Variants in SLC37A3 observed in about 807,000 individuals in gnomAD.
The protein encoded by SLC37A3 is sugar phosphate exchanger 3.
A neutral mutation model predicts 67.1 loss-of-function variants in SLC37A3; 51 were observed. That is an observed-to-expected ratio of 0.76 (90% CI 0.61 to 0.96). The LOEUF is 0.96. SLC37A3 is among the 40% of genes least tolerant of loss of function. SLC37A3 has a pLI of 0.00. For missense variants in SLC37A3, 508 were observed against 603.0 expected (o/e 0.84, Z 1.65); for synonymous variants, 214 against 231.4 (o/e 0.92, Z 0.68).
chr7:140,336,078 A>G (rs571997305), intron 14 of SLC37A3, among the ~76,000 whole-genome samples: 1 of 152,334 alleles, frequency 6.6e-6, no homozygotes, highest in South Asian at 2.1e-4. Context: ...CAGGATACTG[A>G]ATGCGTCCCT....
intron 3 of SLC37A3, 61 bp from the exon 4 acceptor site, chr7:140,369,743 C>T: frequency 2.2e-6 from 3 of 1,370,844 alleles, no homozygotes; most frequent in Non-Finnish European, 3.1e-6. Context: ...TTTCTGTTTC[C>T]CAAAGCCCCT....
intron 9 of SLC37A3, among the ~76,000 whole-genome samples, chr7:140,349,138 G>A (rs1228737669): frequency 6.6e-6 from 1 of 152,336 alleles, no homozygotes; most frequent in East Asian, 1.9e-4. Context: ...TGGTATTCAT[G>A]CCACTAACCA....
chr7:140,337,225 G>A (rs1040036709), intron 14 of SLC37A3, 59 bp downstream of exon 14: 4 of 1,382,548 alleles, frequency 2.9e-6, no homozygotes, highest in Non-Finnish European at 3.9e-6. Flanking sequence ...TTAAGTAAGT[G>A]CTTTGAACTT....
At chr7:140,370,455 C>G (rs1234949387) in intron 3 of SLC37A3, 1 of 152,116 alleles carries the variant, frequency 6.6e-6, no homozygotes, top group Non-Finnish European at 1.5e-5. Flanking sequence ...GCCATACCAC[C>G]CTGAAAGCAC....
intron 3 of SLC37A3, among the ~76,000 whole-genome samples, chr7:140,376,761 G>T (rs1276063612): frequency 6.6e-6 from 1 of 152,064 alleles, no homozygotes; most frequent in East Asian, 1.9e-4. Context: ...CTGTGCATAA[G>T]GTTGAGATGG....
Position 140,361,522 on chromosome 7 carries a change from CCCCTCCCCCTCCCTCTCT to C in SLC37A3, c.376-2755_376-2738del, listed in dbSNP as rs1166944236. On this transcript the variant is annotated intron_variant, in intron 5 of 14. Coordinates refer to ENST00000326232, the MANE Select transcript of SLC37A3 (RefSeq NM_207113.3). ...CCCCCTCCCCCTCCCCCTCCCCCTC[CCCCTCCCCCTCCCTCTCT>C]CCCTCTCCGTCTCCCTCTCTCTCCA... Among the ~76,000 whole-genome samples the C allele has an allele frequency of 4.5e-4, 35 of 78,308 alleles. 3 individuals carry two copies. Among genetic ancestry groups the C allele is most frequent in the Non-Finnish European group, 5.7e-4 (24 of 42,362 alleles). 51.4% of individuals were successfully genotyped at this position (78,308 alleles called of 152,430 possible). A position where few individuals can be genotyped will look rare whatever the true frequency, so the allele number is the denominator to read the frequency against.
chr7:140,364,643 AATGTTTC>A (rs1797528325), intron 4 of SLC37A3, 152 bp from the exon 5 acceptor site: 1 of 663,596 alleles, frequency 1.5e-6, no homozygotes, highest in Non-Finnish European at 2.5e-6. Flanking sequence ...GAGTTTCACA[AATGTTTC>A]ATGAAATGGC....
At chr7:140,357,428 G>A (rs1395851388) in intron 6 of SLC37A3, among the ~76,000 whole-genome samples, 1 of 151,954 alleles carries the variant, frequency 6.6e-6, no homozygotes, top group Non-Finnish European at 1.5e-5. Flanking sequence ...TTATAATTAT[G>A]CTGAATGAAA....
chr7:140,352,306 T>C (rs1034349043), intron 7 of SLC37A3, 160 bp from the exon 8 acceptor site: 3 of 628,512 alleles, frequency 4.8e-6, no homozygotes, highest in Non-Finnish European at 8.4e-6. Context: ...CCGGGCGCCA[T>C]GCAAAGTGTT....
Position 140,364,547 on chromosome 7 carries a change from T to G in SLC37A3, c.292-56A>C, listed in dbSNP as rs373382090. 1.3e-5 allele frequency: 19 copies of G among 1,485,220 alleles called. 1 individual carries two copies. The African/African-American group carries it at 2.7e-4, about 21-fold the overall frequency. The allele number at this position is 1,485,220 out of a possible 1,614,324, so 92.0% of individuals were successfully genotyped here. On this transcript the variant is annotated intron_variant, in intron 4 of 14. Transcript: ENST00000326232. Reference sequence around the variant, plus strand: ...TAAATAATAACACAGTATGAAAAAGTAACATGCACTGCAAAGCAAATGAGA... The same window carrying G: ...TAAATAATAACACAGTATGAAAAAGGAACATGCACTGCAAAGCAAATGAGA...
intron 14 of SLC37A3, among the ~76,000 whole-genome samples, chr7:140,337,000 G>A (rs1420688178): frequency 6.6e-6 from 1 of 151,022 alleles, no homozygotes; most frequent in Admixed American, 6.6e-5. Context: ...TCGGGAGGCT[G>A]AGGTGGGAGA....
chr7:140,364,643 A>G, intron 4 of SLC37A3, 152 bp from the exon 5 acceptor site: 1 of 663,714 alleles, frequency 1.5e-6, no homozygotes, highest in Non-Finnish European at 2.5e-6. Context: ...GAGTTTCACA[A>G]ATGTTTCATG....
chr7:140,362,809 G>A (rs1334769727), intron 5 of SLC37A3, among the ~76,000 whole-genome samples: 16 of 83,164 alleles, frequency 1.9e-4, no homozygotes, highest in South Asian at 5.5e-4. Flanking sequence ...CAGCCGCCCC[G>A]TCCCGGAGGT....
chr7:140,368,931 C>T (rs1797712830), intron 4 of SLC37A3, among the ~76,000 whole-genome samples: 2 of 152,176 alleles, frequency 1.3e-5, no homozygotes, highest in Non-Finnish European at 2.9e-5. Context: ...TCATCCTTCA[C>T]CTCAAAAGAA....
chr7:140,375,191 G>A (rs1797985389), intron 3 of SLC37A3, among the ~76,000 whole-genome samples: 1 of 148,136 alleles, frequency 6.8e-6, no homozygotes. Context: ...AAAACAGGCT[G>A]GGTGCAGTGG....
intron 1 of SLC37A3, among the ~76,000 whole-genome samples, chr7:140,390,183 T>G (rs1798669472): frequency 6.6e-6 from 1 of 152,034 alleles, no homozygotes; most frequent in Non-Finnish European, 1.5e-5. Flanking sequence ...TGGTCAGCAG[T>G]AAAAGAGATG....
intron 3 of SLC37A3, among the ~76,000 whole-genome samples, chr7:140,373,450 A>T (rs1054927631): frequency 5.9e-5 from 9 of 152,182 alleles, no homozygotes; most frequent in African/African-American, 2.2e-4. Flanking sequence ...AACAACACAA[A>T]TATGTCTTAA....
At chr7:140,345,322 T>TG in intron 11 of SLC37A3, 59 bp from the exon 12 acceptor site, 1 of 1,355,862 alleles carries the variant, frequency 7.4e-7, no homozygotes, top group Non-Finnish European at 1.1e-6. Flanking sequence ...CACGTGCCTC[T>TG]GCCAACCGTA....
At chr7:140,355,130 C>T (rs6961384) in intron 7 of SLC37A3, among the ~76,000 whole-genome samples, 111,094 of 151,902 alleles carry the variant, frequency 0.73, 40,759 homozygotes, top group East Asian at 0.89. Flanking sequence ...GTTTTTGTTA[C>T]GAATAATTTT....
Sources: gnomAD v4.1 joint callset for allele counts (sites outside exome capture counted in the v4.1 genomes callset) on GRCh38, gnomAD v4.1.1 for gene constraint, MANE v1.5 for transcripts, NCBI Gene and HGNC (gene_info 2026-07-23, HGNC 2026-07-21) for gene names.